Variants in ZP3 observed in about 807,000 individuals in gnomAD.
ZP3 encodes the protein zona pellucida sperm-binding protein 3.
Under a neutral mutation model 35.6 loss-of-function variants are expected in ZP3, and 21 were observed. The observed-to-expected ratio is 0.59, with a 90% CI of 0.42 to 0.85. ZP3 has a LOEUF of 0.85. Ranked by LOEUF, ZP3 falls within the 40% of genes least tolerant of loss-of-function variation. The probability of loss-of-function intolerance (pLI) is 0.00; values close to 1 mark genes in which losing one functional copy is unlikely to be tolerated. For missense variants in ZP3, 437 were observed against 536.5 expected, an observed-to-expected ratio of 0.81 and a Z score of 1.83; for synonymous variants, 207 against 214.5, an observed-to-expected ratio of 0.96 and a Z score of 0.31.
chr7:76,423,065 A>T (rs952302809), upstream of ZP3, among the ~76,000 whole-genome samples: 1 of 144,074 alleles, frequency 6.9e-6, no homozygotes, highest in African/African-American at 2.6e-5. Context: ...GAAAGAAAGA[A>T]AGAAAGAAAG....
chr7:76,432,782 T>C, intron 2 of ZP3, 145 bp from the exon 3 acceptor site: 1 of 639,908 alleles, frequency 1.6e-6, no homozygotes, highest in Non-Finnish European at 2.7e-6. Flanking sequence ...GCTCAAGGTG[T>C]CTGTTCAGCC....
chr7:76,415,364 C>CAAAAAAAAAAAAAAAAA (rs528001072), intron 1 of ZP3, among the ~76,000 whole-genome samples: 8,383 of 62,264 alleles, frequency 0.13, 1,455 homozygotes, highest in Non-Finnish European at 0.16. Context: ...GACTCCGTCT[C>CAAAAAAAAAAAAAAAAA]AAAAAAAAAA....
intron 1 of ZP3, among the ~76,000 whole-genome samples, chr7:76,415,364 C>CAAAAAAAA (rs528001072): frequency 2.8e-4 from 18 of 63,502 alleles, no homozygotes; most frequent in South Asian, 2.1e-3. Context: ...GACTCCGTCT[C>CAAAAAAAA]AAAAAAAAAA....
At chr7:76,436,654 G>A (rs1337820163) in intron 5 of ZP3, among the ~76,000 whole-genome samples, 1 of 152,256 alleles carries the variant, frequency 6.6e-6, no homozygotes, top group Non-Finnish European at 1.5e-5. Flanking sequence ...TCTCAGTGGT[G>A]GGCCCTGCTT....
chr7:76,410,269 G>T (rs1440307967), intron 1 of ZP3, among the ~76,000 whole-genome samples: 3 of 151,954 alleles, frequency 2.0e-5, no homozygotes, highest in Non-Finnish European at 2.9e-5. Context: ...GACCTCAAGG[G>T]ATCCGCCTGC....
Position 76,435,814 on chromosome 7 carries a change from T to C in ZP3, c.831+1659T>C, listed in dbSNP as rs181383972. Reference sequence around the variant, plus strand: ...TGCGGTCTTGGCTCACTGCAACCTCTGCCTCCGGGTGCAAGCAATTCTGCC... The same window carrying C: ...TGCGGTCTTGGCTCACTGCAACCTCCGCCTCCGGGTGCAAGCAATTCTGCC... On this transcript the variant is annotated intron_variant, in intron 5 of 7. Transcript: ENST00000394857. 2.4e-3 allele frequency among the ~76,000 whole-genome samples: 362 copies of C among 151,264 alleles called. 2 individuals carry two copies. Among genetic ancestry groups the C allele is most frequent in the African/African-American group, 8.5e-3 (350 of 41,036 alleles).
intron 5 of ZP3, among the ~76,000 whole-genome samples, chr7:76,437,483 T>G (rs1806055780): frequency 2.6e-5 from 4 of 151,198 alleles, no homozygotes; most frequent in African/African-American, 7.3e-5. Context: ...TTTTTTTTTT[T>G]TTTTGTTTTT....
upstream of ZP3, among the ~76,000 whole-genome samples, chr7:76,423,067 G>GAAAGAAAGAAAC (rs1554624529): frequency 2.3e-3 from 330 of 143,392 alleles, 1 homozygote; most frequent in African/African-American, 8.2e-3. Context: ...AAGAAAGAAA[G>GAAAGAAAGAAAC]AAAGAAAGAA....
chr7:76,437,503 G>A, intron 5 of ZP3, among the ~76,000 whole-genome samples: 1 of 147,416 alleles, frequency 6.8e-6, no homozygotes, highest in African/African-American at 2.5e-5. Flanking sequence ...TTTTTGGGGG[G>A]AAATGGAGTG....
At chr7:76,406,953 A>ATTAT (rs145911585) in intron 1 of ZP3, among the ~76,000 whole-genome samples, 4,269 of 151,578 alleles carry the variant, frequency 0.028, 188 homozygotes, top group African/African-American at 0.095. Context: ...TCTGATTTAA[A>ATTAT]TTATTTATTT....
At chr7:76,440,390 C>T (rs377479474) in intron 6 of ZP3, 49 bp downstream of exon 6, 23 of 1,611,692 alleles carry the variant, frequency 1.4e-5, no homozygotes, top group Middle Eastern at 1.6e-4. Context: ...GAATCGGCGA[C>T]CCCTTGTCTA....
intron 1 of ZP3, among the ~76,000 whole-genome samples, chr7:76,411,060 A>G: frequency 6.6e-6 from 1 of 151,130 alleles, no homozygotes; most frequent in Admixed American, 6.6e-5. Flanking sequence ...ACCATGCTGC[A>G]AAATCTCCAC....
chr7:76,402,858 G>T (rs931561766), intron 1 of ZP3, among the ~76,000 whole-genome samples: 1 of 151,882 alleles, frequency 6.6e-6, no homozygotes, highest in South Asian at 2.1e-4. Context: ...GTAGAGATGG[G>T]GTTTCTGCAT....
chr7:76,405,335 C>CTTTTTTTT (rs1563687084), intron 1 of ZP3, among the ~76,000 whole-genome samples: 1 of 29,160 alleles, frequency 3.4e-5, no homozygotes, highest in Non-Finnish European at 6.1e-5. Context: ...TTCTTTCTTT[C>CTTTTTTTT]TTTCTTTTTT....
intron 5 of ZP3, among the ~76,000 whole-genome samples, chr7:76,438,471 T>A (rs1211394017): frequency 2.1e-5 from 3 of 146,248 alleles, no homozygotes; most frequent in Non-Finnish European, 3.0e-5. Context: ...GGCAAGAGAA[T>A]CGCTTAAACC....
At chr7:76,400,796 C>T (rs928173662) in intron 1 of ZP3, among the ~76,000 whole-genome samples, 80 of 152,158 alleles carry the variant, frequency 5.3e-4, no homozygotes, top group African/African-American at 1.7e-3. Context: ...ACGTGCACTA[C>T]GGGACCCAGC....
Position 76,431,431 on chromosome 7 carries a change from G to T in ZP3, c.432-1496G>T, listed in dbSNP as rs942982162. ...AACCTGGCTCCAGATACCTGAGTCT[G>T]GTTATCAATAGATGCATCCATCACT... On this transcript the variant is annotated intron_variant, in intron 2 of 7. Coordinates refer to ENST00000394857, the MANE Select transcript of ZP3 (RefSeq NM_001110354.2). 8.5e-5 allele frequency among the ~76,000 whole-genome samples: 13 copies of T among 152,274 alleles called. No homozygotes were observed. The South Asian group carries it at 2.3e-3, about 27-fold the overall frequency.
intron 5 of ZP3, among the ~76,000 whole-genome samples, chr7:76,438,639 T>A (rs1273562567): frequency 6.8e-6 from 1 of 147,124 alleles, no homozygotes. Context: ...GGAGCTCATA[T>A]TGGGTTCATT....
At chr7:76,426,887 C>CAG in intron 1 of ZP3, among the ~76,000 whole-genome samples, 1 of 126,684 alleles carries the variant, frequency 7.9e-6, no homozygotes, top group South Asian at 2.8e-4. Context: ...CACACACACA[C>CAG]ACACACACAC....
Sources: allele counts gnomAD v4.1 joint callset (sites outside exome capture counted in the v4.1 genomes callset), GRCh38; gene constraint gnomAD v4.1.1; transcripts MANE v1.5; gene names NCBI Gene and HGNC (gene_info 2026-07-23, HGNC 2026-07-21).